Variants in SEL1L3 observed in about 807,000 individuals in gnomAD.
SEL1L3 encodes protein sel-1 homolog 3.
A neutral mutation model predicts 142.8 loss-of-function variants in SEL1L3; 76 were observed. The observed-to-expected ratio is 0.53, with a 90% CI of 0.44 to 0.64. The LOEUF is 0.64. Among genes scored for constraint, SEL1L3 ranks in the 30% least tolerant of loss-of-function variants. The probability of loss-of-function intolerance (pLI) is 0.00; values close to 1 mark genes in which losing one functional copy is unlikely to be tolerated. For synonymous variants in SEL1L3, 504 were observed against 519.6 expected (o/e 0.97, Z 0.41); for missense variants, 1,262 against 1,381.7 (o/e 0.91, Z 1.37).
At chr4:25,785,601 A>C (rs1711760730) in intron 13 of SEL1L3, among the ~76,000 whole-genome samples, 1 of 152,140 alleles carries the variant, frequency 6.6e-6, no homozygotes, top group African/African-American at 2.4e-5. Flanking sequence ...ATTTAATAAA[A>C]CCAATGAACT....
chr4:25,851,353 T>A (rs927573920), intron 1 of SEL1L3, among the ~76,000 whole-genome samples: 2 of 152,138 alleles, frequency 1.3e-5, no homozygotes, highest in African/African-American at 4.8e-5. Flanking sequence ...TTTGCTTGCT[T>A]TTAAAAAACA....
At chr4:25,786,986 C>T (rs753296607) in intron 13 of SEL1L3, among the ~76,000 whole-genome samples, 8 of 152,180 alleles carry the variant, frequency 5.3e-5, no homozygotes, top group Non-Finnish European at 1.2e-4. Context: ...TTTTTGGGGG[C>T]AGCTGCTTTC....
chr4:25,804,557 G>A lies in SEL1L3; in HGVS notation c.1760C>T (p.Pro587Leu). 6.2e-7 allele frequency: 1 copy of A among 1,611,344 alleles called. No individual in the cohort carries two copies. The highest frequency in any genetic ancestry group is 8.5e-7 in the Non-Finnish European group (1 of 1,178,376). ...AVFYETGLNV[P>L]RDQLQGMLYS... ...ATACTCTACCTGCAGCTGATCCCGA[G>A]GAACATTTAATCCAGTCTCATAAAA... The change falls in exon 10 of 24, where the codon CCT (proline) becomes CTT (leucine). Residue 587 changes from proline (P) to leucine (L), a missense_variant. By Grantham distance (98) the Pro-to-Leu change is moderately conservative. Around this residue, in one of 3 missense-constraint regions of SEL1L3, gnomAD observed 435 missense variants for 559.2 expected, o/e 0.78. Transcript: ENST00000399878.
Position 25,804,731 on chromosome 4 carries a change from G to C in SEL1L3, c.1586C>G (p.Ser529Cys). Reference protein sequence around the residue: ...LLTVPRNQNESVSEIGGKIFE... With the variant: ...LLTVPRNQNECVSEIGGKIFE... The stretch of plus-strand genomic sequence containing the variant: ...TATCTTCCCACCGATTTCTGATACA[G>C]ATTCATTTTGGTTCCTTGGCACTGT... The change falls in exon 10 of 24, where the codon TCT becomes TGT. Residue 529 changes from serine to cysteine, a missense_variant. By Grantham distance (112) the Ser-to-Cys change is moderately radical. Transcript: ENST00000399878. The C allele has an allele frequency of 6.2e-7, 1 of 1,613,020 alleles. No individual in the cohort carries two copies. Among genetic ancestry groups the C allele is most frequent in the Non-Finnish European group, 8.5e-7 (1 of 1,179,190 alleles).
At chr4:25,791,605 C>A (rs574831518) in intron 11 of SEL1L3, among the ~76,000 whole-genome samples, 1 of 152,270 alleles carries the variant, frequency 6.6e-6, no homozygotes, top group East Asian at 1.9e-4. Flanking sequence ...GGAAAAGAAG[C>A]CCCAGAGAAG....
intron 11 of SEL1L3, among the ~76,000 whole-genome samples, chr4:25,795,637 G>A (rs958441052): frequency 3.9e-5 from 6 of 152,162 alleles, no homozygotes; most frequent in African/African-American, 1.4e-4. Context: ...CACAGCCAGT[G>A]AGTAGCAGAC....
intron 10 of SEL1L3, 26 bp downstream of exon 10, chr4:25,804,515 G>A: frequency 1.3e-6 from 2 of 1,519,374 alleles, no homozygotes; most frequent in East Asian, 2.3e-5. Context: ...AGTGACTGAT[G>A]TTAATGGAGC....
At chr4:25,838,921 C>G (rs928397315) in intron 2 of SEL1L3, among the ~76,000 whole-genome samples, 2 of 152,222 alleles carry the variant, frequency 1.3e-5, no homozygotes, top group East Asian at 3.9e-4. Flanking sequence ...GGTAACACTT[C>G]TGTGTAACAA....
At chr4:25,844,424 G>T (rs1418619121) in intron 2 of SEL1L3, among the ~76,000 whole-genome samples, 1 of 152,162 alleles carries the variant, frequency 6.6e-6, no homozygotes, top group Non-Finnish European at 1.5e-5. Context: ...TAACTCTTGG[G>T]AAAGGGTTTT....
chr4:25,822,157 G>C, intron 6 of SEL1L3, 29 bp from the exon 7 acceptor site: 2 of 1,612,486 alleles, frequency 1.2e-6, no homozygotes, highest in Non-Finnish European at 1.7e-6. Context: ...GATTAAGAGA[G>C]CTCCATGCCG....
chr4:25,751,626 A>AT (rs995777953), intron 23 of SEL1L3, among the ~76,000 whole-genome samples: 11 of 150,936 alleles, frequency 7.3e-5, no homozygotes, highest in African/African-American at 2.7e-4. Context: ...GAAGGAAAGA[A>AT]TACATATATT....
chr4:25,835,143 C>T (rs965931716), intron 3 of SEL1L3, 54 bp downstream of exon 3: 2 of 1,603,942 alleles, frequency 1.2e-6, no homozygotes, highest in Non-Finnish European at 1.7e-6. Flanking sequence ...CTGCTCTGGT[C>T]CTCAAATAAA....
At chr4:25,745,250 G>A (rs1304557849), downstream of SEL1L3, among the ~76,000 whole-genome samples, 1 of 151,980 alleles carries the variant, frequency 6.6e-6, no homozygotes, top group Non-Finnish European at 1.5e-5. Context: ...CAAAAATTAG[G>A]TGGGCATGGT....
At chr4:25,820,125 C>G (rs866332410) in intron 7 of SEL1L3, among the ~76,000 whole-genome samples, 185 bp from the exon 8 acceptor site, 1 of 152,330 alleles carries the variant, frequency 6.6e-6, no homozygotes, top group Middle Eastern at 3.4e-3. Flanking sequence ...GACATGCCAG[C>G]TCTGATGGCT....
intron 2 of SEL1L3, among the ~76,000 whole-genome samples, chr4:25,839,963 C>T (rs183307787): frequency 4.6e-4 from 70 of 152,128 alleles, no homozygotes; most frequent in Non-Finnish European, 8.7e-4. Context: ...TGATTCACAT[C>T]GATAAAAATT....
intron 2 of SEL1L3, among the ~76,000 whole-genome samples, chr4:25,845,592 T>C (rs1716455462): frequency 6.6e-6 from 1 of 152,158 alleles, no homozygotes; most frequent in Non-Finnish European, 1.5e-5. Context: ...GTCCTTTCAG[T>C]TTTCATTATA....
rs1718350558 is a variant in SEL1L3, at chr4:25,761,183, T to C, written c.2956-2115A>G. 2.6e-5 allele frequency among the ~76,000 whole-genome samples: 4 copies of C among 152,274 alleles called. No individual in the cohort carries two copies. The South Asian group carries it at 8.3e-4, about 32-fold the overall frequency. On this transcript the variant is annotated intron_variant, in intron 20 of 23. Transcript: ENST00000399878. ...AAGAGAAAAGAAAAAAATGGCTTTA[T>C]GATTTTTTGTTTTGTTTTGTTGAGT...
At chr4:25,830,237 A>G (rs1489318527) in intron 5 of SEL1L3, 81 bp from the exon 6 acceptor site, 9 of 882,286 alleles carry the variant, frequency 1.0e-5, no homozygotes, top group Non-Finnish European at 1.7e-5. Flanking sequence ...TAAATTACTC[A>G]TGATATGTGT....
Position 25,818,121 on chromosome 4 carries a change from G to A in SEL1L3, c.1564+17C>T. 1.2e-6 allele frequency: 2 copies of A among 1,609,520 alleles called. No homozygotes were observed. Among genetic ancestry groups the A allele is most frequent in the Non-Finnish European group, 8.5e-7 (1 of 1,177,992 alleles). ...CTTTCTAACCAGCGCCTAAAGCCGAGGCAAAGACTCAATTACCGGTCAGCA... is the reference window on the plus strand; with the variant it reads ...CTTTCTAACCAGCGCCTAAAGCCGAAGCAAAGACTCAATTACCGGTCAGCA... On this transcript the variant is annotated intron_variant, in intron 9 of 23. Transcript: ENST00000399878.
Sources: gnomAD v4.1 joint callset for allele counts (sites outside exome capture counted in the v4.1 genomes callset) on GRCh38, gnomAD v4.1.1 for gene constraint, gnomAD v4.1.1 regional missense constraint, MANE v1.5 for transcripts, NCBI Gene and HGNC (gene_info 2026-07-23, HGNC 2026-07-21) for gene names.